MYO3B: variants seen among roughly 807,000 people sequenced by gnomAD.
The protein encoded by MYO3B is myosin-IIIb.
A neutral mutation model predicts 174.6 loss-of-function variants in MYO3B; 156 were observed. That is an observed-to-expected ratio of 0.89 (90% confidence interval 0.78 to 1.02). MYO3B has a LOEUF of 1.02. Ranked by LOEUF, MYO3B falls within the 50% of genes least tolerant of loss-of-function variation. MYO3B has a pLI of 0.00. For missense variants in MYO3B, 1,632 were observed against 1,639.4 expected (o/e 1.00, Z 0.08); for synonymous variants, 563 against 569.1 (o/e 0.99, Z 0.15).
chr2:170,389,357 A>G (rs2094397109), intron 14 of MYO3B, among the ~76,000 whole-genome samples: 1 of 152,210 alleles, frequency 6.6e-6, no homozygotes, highest in South Asian at 2.1e-4. Context: ...GGCACAGTGT[A>G]AGATGGGGGC....
intron 1 of MYO3B, among the ~76,000 whole-genome samples, chr2:170,195,805 CCAAA>C (rs1047327808): frequency 6.6e-5 from 10 of 152,128 alleles, no homozygotes; most frequent in African/African-American, 2.4e-5. Context: ...AGACACACAG[CCAAA>C]CAGTCAAGCC....
At chr2:170,195,834 T>C (rs1249221699) in intron 1 of MYO3B, among the ~76,000 whole-genome samples, 2 of 152,174 alleles carry the variant, frequency 1.3e-5, no homozygotes, top group African/African-American at 2.4e-5. Flanking sequence ...CCCTGCAGCA[T>C]GTCCTATGAG....
intron 7 of MYO3B, among the ~76,000 whole-genome samples, chr2:170,270,492 T>C (rs1384026082): frequency 1.3e-5 from 2 of 152,226 alleles, no homozygotes; most frequent in Non-Finnish European, 2.9e-5. Flanking sequence ...TTAGATCTGA[T>C]GTATTTGTTT....
At chr2:170,544,059 T>C in intron 32 of MYO3B, 71 bp downstream of exon 32, 7 of 1,264,228 alleles carry the variant, frequency 5.5e-6, no homozygotes, top group Non-Finnish European at 6.8e-6. Context: ...AGTGTGTTGT[T>C]TGGGCAGGAC....
intron 11 of MYO3B, among the ~76,000 whole-genome samples, chr2:170,383,443 C>A (rs2094350508): frequency 6.6e-6 from 1 of 152,174 alleles, no homozygotes; most frequent in Non-Finnish European, 1.5e-5. Context: ...CACTTTTTCA[C>A]ACCCTGTGGG....
intron 1 of MYO3B, among the ~76,000 whole-genome samples, chr2:170,191,460 AG>A (rs2092539739): frequency 6.6e-6 from 1 of 152,002 alleles, no homozygotes; most frequent in Admixed American, 6.6e-5. Flanking sequence ...AGAACCCCAG[AG>A]CAATTTAGTT....
At chr2:170,460,119 A>G (rs1343323066) in intron 23 of MYO3B, among the ~76,000 whole-genome samples, 3 of 152,134 alleles carry the variant, frequency 2.0e-5, no homozygotes, top group African/African-American at 7.2e-5. Flanking sequence ...GCCAGAGTGG[A>G]TGCTGAGACA....
chr2:170,556,667 A>G (rs975172321), intron 32 of MYO3B, among the ~76,000 whole-genome samples: 8 of 152,124 alleles, frequency 5.3e-5, no homozygotes, highest in African/African-American at 9.7e-5. Flanking sequence ...GATTACAGGC[A>G]TGTGTCACCA....
intron 3 of MYO3B, among the ~76,000 whole-genome samples, chr2:170,205,701 C>T (rs1158108100): frequency 6.6e-6 from 1 of 152,086 alleles, no homozygotes; most frequent in Admixed American, 6.6e-5. Context: ...GACTTCTTGA[C>T]CCTGCCTCTC....
At chr2:170,214,905 ACTGG>A in intron 5 of MYO3B, 77 bp downstream of exon 5, 7 of 1,093,842 alleles carry the variant, frequency 6.4e-6, no homozygotes, top group Non-Finnish European at 9.7e-6. Flanking sequence ...ATCTCAGAAG[ACTGG>A]GGCTTCTCTG....
chr2:170,490,237 C>T (rs1686375734), intron 25 of MYO3B, among the ~76,000 whole-genome samples: 1 of 152,052 alleles, frequency 6.6e-6, no homozygotes, highest in East Asian at 1.9e-4. Flanking sequence ...ACCATGTTAG[C>T]CAGGATGGTC....
intron 8 of MYO3B, among the ~76,000 whole-genome samples, chr2:170,356,903 A>G (rs1212866308): frequency 6.6e-6 from 1 of 152,006 alleles, no homozygotes; most frequent in Non-Finnish European, 1.5e-5. Context: ...TCAGCCTCCC[A>G]AGTGGCTGGG....
At chr2:170,545,060 G>T (rs1383118015) in intron 32 of MYO3B, among the ~76,000 whole-genome samples, 1 of 152,076 alleles carries the variant, frequency 6.6e-6, no homozygotes, top group Non-Finnish European at 1.5e-5. Flanking sequence ...TATTTAATGT[G>T]ATTATTGATA....
At chr2:170,323,905 G>C (rs1444210459) in intron 7 of MYO3B, among the ~76,000 whole-genome samples, 2 of 152,182 alleles carry the variant, frequency 1.3e-5, no homozygotes, top group Non-Finnish European at 2.9e-5. Context: ...GAGCCAGGGG[G>C]AGACCCATGA....
chr2:170,528,691 A>C (rs77950849), intron 30 of MYO3B, among the ~76,000 whole-genome samples: 1,951 of 152,300 alleles, frequency 0.013, 40 homozygotes, highest in African/African-American at 0.044. Flanking sequence ...CATGCATGAG[A>C]AACTGTGCCC....
At chr2:170,562,905 A>G (rs76579774) in intron 32 of MYO3B, among the ~76,000 whole-genome samples, 1 of 142,336 alleles carries the variant, frequency 7.0e-6, no homozygotes, top group Admixed American at 6.8e-5. Context: ...AAGGGAAACT[A>G]TGTGAGATGC....
chr2:170,353,671 G>A (rs1283489306), intron 8 of MYO3B, among the ~76,000 whole-genome samples: 2 of 152,014 alleles, frequency 1.3e-5, no homozygotes, highest in African/African-American at 4.8e-5. Flanking sequence ...GGGGTATATG[G>A]GAAATCTCTG....
At chr2:170,306,606 A>G (rs552508268) in intron 7 of MYO3B, among the ~76,000 whole-genome samples, 3 of 152,280 alleles carry the variant, frequency 2.0e-5, no homozygotes, top group South Asian at 4.1e-4. Flanking sequence ...GTGTTTTTCA[A>G]AATGTCCTTG....
intron 30 of MYO3B, among the ~76,000 whole-genome samples, chr2:170,538,533 G>T (rs1469822946): frequency 1.3e-5 from 2 of 152,220 alleles, no homozygotes; most frequent in Non-Finnish European, 2.9e-5. Flanking sequence ...GAAGGGAGAT[G>T]CTGGGTATTC....
Sources: allele counts gnomAD v4.1 joint callset (sites outside exome capture counted in the v4.1 genomes callset), GRCh38; gene constraint gnomAD v4.1.1; transcripts MANE v1.5; gene names NCBI Gene and HGNC (gene_info 2026-07-23, HGNC 2026-07-21).